The following EPHA6 variants were observed in gnomAD, a reference collection of about 807,000 sequenced individuals.
The protein encoded by EPHA6 is ephrin type-A receptor 6.
EPHA6 carries 50 observed loss-of-function variants against 112.0 expected under a neutral mutation model. That is an observed-to-expected ratio of 0.45 (90% CI 0.36 to 0.56). The LOEUF (loss-of-function observed/expected upper bound fraction) is 0.56. Ranked by LOEUF, EPHA6 falls within the 20% of genes least tolerant of loss-of-function variation. The pLI is 0.00. For missense variants in EPHA6, 1,280 were observed against 1,417.4 expected, an observed-to-expected ratio of 0.90 and a Z score of 1.56; for synonymous variants, 529 against 490.7, an observed-to-expected ratio of 1.08 and a Z score of -1.03.
chr3:96,845,341 A>C (rs755455445), intron 1 of EPHA6, among the ~76,000 whole-genome samples: 8 of 152,166 alleles, frequency 5.3e-5, no homozygotes, highest in Non-Finnish European at 1.0e-4. Context: ...GGCTAGTCTC[A>C]TGCTGTGCCC....
At chr3:97,258,577 C>T (rs2079393334) in intron 5 of EPHA6, among the ~76,000 whole-genome samples, 1 of 152,068 alleles carries the variant, frequency 6.6e-6, no homozygotes, top group Admixed American at 6.6e-5. Context: ...ATAGTTTAGT[C>T]TGCTGTTTAC....
intron 5 of EPHA6, among the ~76,000 whole-genome samples, chr3:97,248,536 G>A (rs1271282839): frequency 3.3e-5 from 5 of 152,090 alleles, no homozygotes; most frequent in Non-Finnish European, 7.4e-5. Flanking sequence ...CATGTTCAAA[G>A]TGAAAGACAT....
chr3:97,195,473 T>G (rs1370307644), intron 3 of EPHA6, among the ~76,000 whole-genome samples: 1 of 152,080 alleles, frequency 6.6e-6, no homozygotes, highest in Non-Finnish European at 1.5e-5. Context: ...TAGTTGTTAT[T>G]TCTGATAGGT....
chr3:96,858,405 A>C (rs1282560998), intron 1 of EPHA6, among the ~76,000 whole-genome samples: 8 of 152,154 alleles, frequency 5.3e-5, no homozygotes, highest in Non-Finnish European at 1.2e-4. Flanking sequence ...CCCAGGAAGC[A>C]GATAGGAAAA....
At chr3:97,324,465 C>CTTTCTTTCT (rs1553746392) in intron 5 of EPHA6, among the ~76,000 whole-genome samples, 1 of 133,824 alleles carries the variant, frequency 7.5e-6, no homozygotes, top group African/African-American at 2.8e-5. Context: ...TTCTTTCTTT[C>CTTTCTTTCT]TTTCTTTTTC....
At chr3:97,509,023 G>C (rs1476702864) in intron 10 of EPHA6, among the ~76,000 whole-genome samples, 570 of 48,112 alleles carry the variant, frequency 0.012, 8 homozygotes, top group Middle Eastern at 0.043. Context: ...TTTTTTTTTT[G>C]CTTTCCATTT....
intron 2 of EPHA6, among the ~76,000 whole-genome samples, chr3:96,881,529 G>A (rs1476266199): frequency 1.3e-5 from 2 of 152,104 alleles, no homozygotes; most frequent in South Asian, 4.1e-4. Context: ...ACAACAGGTG[G>A]GAATTATGTG....
At chr3:97,321,858 C>G (rs2082137094) in intron 5 of EPHA6, among the ~76,000 whole-genome samples, 1 of 152,036 alleles carries the variant, frequency 6.6e-6, no homozygotes, top group Non-Finnish European at 1.5e-5. Flanking sequence ...GACAGGCTAT[C>G]TTAATTTTCA....
chr3:97,276,621 G>A (rs959990679), intron 5 of EPHA6, among the ~76,000 whole-genome samples: 1 of 152,142 alleles, frequency 6.6e-6, no homozygotes, highest in Non-Finnish European at 1.5e-5. Flanking sequence ...GTCCTGTTGC[G>A]GGGTTTGATG....
At chr3:97,656,696 A>G (rs2094139859) in intron 14 of EPHA6, among the ~76,000 whole-genome samples, 1 of 151,954 alleles carries the variant, frequency 6.6e-6, no homozygotes, top group Non-Finnish European at 1.5e-5. Flanking sequence ...GATTTATTGC[A>G]GGAAAGCAAA....
At chr3:96,925,530 GTCT>G (rs952471967) in intron 2 of EPHA6, among the ~76,000 whole-genome samples, 2 of 149,996 alleles carry the variant, frequency 1.3e-5, no homozygotes, top group Non-Finnish European at 3.0e-5. Flanking sequence ...CTTCTCTTTA[GTCT>G]TCTTTATTAG....
chr3:96,967,381 A>G (rs2042161982), intron 2 of EPHA6, among the ~76,000 whole-genome samples: 1 of 151,546 alleles, frequency 6.6e-6, no homozygotes, highest in Non-Finnish European at 1.5e-5. Context: ...CTAGTATATT[A>G]TGAATACTTT....
chr3:97,175,288 T>G (rs2076806424), intron 3 of EPHA6, among the ~76,000 whole-genome samples: 1 of 152,014 alleles, frequency 6.6e-6, no homozygotes, highest in Admixed American at 6.6e-5. Flanking sequence ...CATGCTGTTT[T>G]GGTTACTATA....
At chr3:97,396,684 C>G (rs1329042454) in intron 5 of EPHA6, among the ~76,000 whole-genome samples, 1 of 151,676 alleles carries the variant, frequency 6.6e-6, no homozygotes, top group Non-Finnish European at 1.5e-5. Context: ...CTTCATTAAA[C>G]AATTGCTCAA....
chr3:96,885,290 C>T (rs1484442790), intron 2 of EPHA6, among the ~76,000 whole-genome samples: 1 of 152,024 alleles, frequency 6.6e-6, no homozygotes. Context: ...AAGATAGTGT[C>T]GAAAGGATTG....
chr3:96,981,670 A>C (rs922243820), intron 2 of EPHA6, among the ~76,000 whole-genome samples: 4 of 151,896 alleles, frequency 2.6e-5, no homozygotes, highest in African/African-American at 9.7e-5. Context: ...TCTGCTGTGA[A>C]TCCTTCTGGT....
rs74357793 is a variant in EPHA6, at chr3:97,698,726, G to A, written c.2785-21535G>A. Among the ~76,000 whole-genome samples, 627 of 152,258 alleles carry A rather than the reference G, an allele frequency of 4.1e-3. 2 individuals are homozygous for A. The highest frequency in any genetic ancestry group is 0.014 in the East Asian group (74 of 5,172). On this transcript the variant is annotated intron_variant, in intron 14 of 17. Coordinates refer to ENST00000389672, the MANE Select transcript of EPHA6 (RefSeq NM_001080448.3). ...GAATATGGCAATTATCGGGCATGTG[G>A]CCCTCGACAATTTTCCTGCTCTTTC...
At chr3:97,056,888 C>A (rs1339384530) in intron 3 of EPHA6, among the ~76,000 whole-genome samples, 1 of 152,076 alleles carries the variant, frequency 6.6e-6, no homozygotes, top group Non-Finnish European at 1.5e-5. Flanking sequence ...CACACAGTAC[C>A]TATTATTTTG....
intron 5 of EPHA6, among the ~76,000 whole-genome samples, chr3:97,245,439 C>T (rs972067437): frequency 2.0e-5 from 3 of 151,946 alleles, no homozygotes; most frequent in Admixed American, 2.0e-4. Context: ...TAAATGCAAT[C>T]TCATTCTGAG....
Sources: gnomAD v4.1 joint callset for allele counts (sites outside exome capture counted in the v4.1 genomes callset) on GRCh38, gnomAD v4.1.1 for gene constraint, MANE v1.5 for transcripts, NCBI Gene and HGNC (gene_info 2026-07-23, HGNC 2026-07-21) for gene names.